DMRT1: variants seen among roughly 807,000 people sequenced by gnomAD.
The protein encoded by DMRT1 is doublesex and mab-3 related transcription factor 1, also known as doublesex- and mab-3-related transcription factor 1.
A neutral mutation model predicts 32.3 loss-of-function variants in DMRT1; 7 were observed. That is an observed-to-expected ratio of 0.22 (90% CI 0.12 to 0.41). The LOEUF (loss-of-function observed/expected upper bound fraction) is 0.41. DMRT1 is among the 10% of genes least tolerant of loss of function. The pLI, the probability that DMRT1 is intolerant of heterozygous loss-of-function variation, is 1.00. For synonymous variants in DMRT1, 278 were observed against 206.1 expected (o/e 1.35, Z -2.99); for missense variants, 625 against 500.5 (o/e 1.25, Z -2.37).
intron 4 of DMRT1, among the ~76,000 whole-genome samples, chr9:936,191 C>G (rs548737945): frequency 2.1e-4 from 32 of 152,250 alleles, no homozygotes; most frequent in African/African-American, 7.7e-4. Flanking sequence ...ATGTGTGTTG[C>G]TTGATACTTA....
rs761634981 is a variant in DMRT1 at position 965,490 on chromosome 9, T to C, written c.968-2495T>C. 5.3e-5 allele frequency among the ~76,000 whole-genome samples: 8 copies of C among 152,208 alleles called. No individual in the cohort carries two copies. The highest frequency in any genetic ancestry group is 7.4e-5 in the Non-Finnish European group (5 of 68,026). ...AGAGCACTTTCCAAGAAAATATTCATAAGGCAAGTTAGAGCAAAAGGGGGA... is the reference window on the plus strand; with the variant it reads ...AGAGCACTTTCCAAGAAAATATTCACAAGGCAAGTTAGAGCAAAAGGGGGA... On this transcript the variant is annotated intron_variant, in intron 4 of 4. Coordinates refer to ENST00000382276, the MANE Select transcript of DMRT1 (RefSeq NM_021951.3). The surrounding 1 kb of genome is among the most constrained non-coding windows in gnomAD (Gnocchi z 4.5).
At chr9:865,953 C>T (rs1182441046) in intron 2 of DMRT1, among the ~76,000 whole-genome samples, 4 of 151,916 alleles carry the variant, frequency 2.6e-5, no homozygotes, top group African/African-American at 9.7e-5. Context: ...CACCTAAGGT[C>T]AGGAGTTCGA....
intron 2 of DMRT1, among the ~76,000 whole-genome samples, chr9:878,204 C>A (rs558943657): frequency 1.2e-4 from 13 of 107,518 alleles, no homozygotes; most frequent in Admixed American, 8.3e-4. Context: ...GCTGCTGCCC[C>A]CCCCCCACCC....
chr9:958,938 T>A lies in DMRT1; in HGVS notation c.968-9047T>A, dbSNP rs575634964. 2.0e-5 allele frequency among the ~76,000 whole-genome samples: 3 copies of A among 152,298 alleles called. No individual in the cohort carries two copies. In the East Asian group the frequency reaches 5.8e-4, roughly 29 times the overall value. ...TTTCTTAGCCTTAACGAGATGCCCA[T>A]CAAGGTTGGGATTTCCATCACACCT... On this transcript the variant is annotated intron_variant, in intron 4 of 4. Transcript: ENST00000382276.
intron 2 of DMRT1, among the ~76,000 whole-genome samples, chr9:858,866 AAAAAAT>A (rs1234291216): frequency 5.2e-4 from 12 of 23,172 alleles, no homozygotes; most frequent in African/African-American, 8.9e-4. Context: ...AAAAAAAAAA[AAAAAAT>A]ATATATATAT....
chr9:847,724 C>G (rs1158485256), intron 2 of DMRT1, among the ~76,000 whole-genome samples: 1 of 152,208 alleles, frequency 6.6e-6, no homozygotes, highest in Non-Finnish European at 1.5e-5. Context: ...ATGAGTTTAT[C>G]TGTCTCCAAA....
chr9:866,736 G>C (rs535999097), intron 2 of DMRT1, among the ~76,000 whole-genome samples: 1 of 152,280 alleles, frequency 6.6e-6, no homozygotes, highest in Admixed American at 6.5e-5. Flanking sequence ...GTGTGAGACT[G>C]TCCCATGGCT....
At chr9:934,343 T>C (rs1342019084) in intron 4 of DMRT1, among the ~76,000 whole-genome samples, 1 of 152,200 alleles carries the variant, frequency 6.6e-6, no homozygotes. Flanking sequence ...TTGTTTCTTC[T>C]TCTGTTGCCT....
At position 843,489 on chromosome 9, in the gene DMRT1, T is replaced by C. The variant is rs538903329; in HGVS notation, c.354+1297T>C. On this transcript the variant is annotated intron_variant, in intron 1 of 4. Transcript: ENST00000382276. ...GCACGCTTAAGAATTTTAAAGAATATGCGCAGGTGGAAAAAAGCGCGCCAG... is the reference window on the plus strand; with the variant it reads ...GCACGCTTAAGAATTTTAAAGAATACGCGCAGGTGGAAAAAAGCGCGCCAG... Among the ~76,000 whole-genome samples, 8 of 152,350 alleles carry C rather than the reference T, an allele frequency of 5.3e-5. No individual in the cohort carries two copies. In the South Asian group the frequency reaches 1.7e-3, roughly 32 times the overall value.
At chr9:885,730 C>T (rs1816902519) in intron 2 of DMRT1, among the ~76,000 whole-genome samples, 1 of 152,152 alleles carries the variant, frequency 6.6e-6, no homozygotes, top group Non-Finnish European at 1.5e-5. Context: ...AAGTGCCTGT[C>T]TTCAGCTAGT....
At chr9:902,201 CG>C (rs548430254) in intron 3 of DMRT1, among the ~76,000 whole-genome samples, 1,731 of 151,256 alleles carry the variant, frequency 0.011, 38 homozygotes, top group African/African-American at 0.039. Flanking sequence ...TGAGCCACCG[CG>C]CCAGCCACTT....
At chr9:845,836 G>A (rs1302078496) in intron 1 of DMRT1, among the ~76,000 whole-genome samples, 1 of 152,016 alleles carries the variant, frequency 6.6e-6, no homozygotes, top group East Asian at 1.9e-4. Flanking sequence ...CTTCATCCTT[G>A]CCTGTCCAAG....
intron 4 of DMRT1, among the ~76,000 whole-genome samples, chr9:945,370 G>A (rs369773014): frequency 6.6e-6 from 1 of 152,110 alleles, no homozygotes; most frequent in Non-Finnish European, 1.5e-5. Flanking sequence ...TGGCCAGGCC[G>A]GTCTTGAACT....
At position 965,135 on chromosome 9, in the gene DMRT1, T is replaced by C. The variant is rs1203500234; in HGVS notation, c.968-2850T>C. 6.6e-6 allele frequency among the ~76,000 whole-genome samples: 1 copy of C among 152,200 alleles called. No homozygotes were observed. The highest frequency in any genetic ancestry group is 1.5e-5 in the Non-Finnish European group (1 of 68,032). ...TCTGAGGGACGATCTTTAAGGATGG[T>C]AGTAAAAGTGATTTTGGACATTAGT... On this transcript the variant is annotated intron_variant, in intron 4 of 4. Transcript: ENST00000382276. The surrounding 1 kb of genome is among the most constrained non-coding windows in gnomAD (Gnocchi z 4.5).
intron 4 of DMRT1, among the ~76,000 whole-genome samples, chr9:964,513 CCTTA>C (rs1819871646): frequency 6.6e-6 from 1 of 151,866 alleles, no homozygotes; most frequent in African/African-American, 2.4e-5. Flanking sequence ...TTTTTCTTTT[CCTTA>C]CTTTTCAGTC....
At chr9:905,482 G>GTC (rs1554754600) in intron 3 of DMRT1, among the ~76,000 whole-genome samples, 1 of 132,858 alleles carries the variant, frequency 7.5e-6, no homozygotes, top group African/African-American at 2.9e-5. Context: ...CCCTGTGTGT[G>GTC]TGTGTCTGTG....
chr9:912,655 A>G (rs1818029578), intron 3 of DMRT1, among the ~76,000 whole-genome samples: 1 of 152,208 alleles, frequency 6.6e-6, no homozygotes, highest in African/African-American at 2.4e-5. Context: ...TGGGATTGGC[A>G]GCGTTAGCCA....
chr9:883,844 G>T (rs529254787), intron 2 of DMRT1, among the ~76,000 whole-genome samples: 47 of 151,946 alleles, frequency 3.1e-4, no homozygotes, highest in African/African-American at 1.0e-3. Flanking sequence ...TACCCTCGTA[G>T]CGCTCAACAC....
intron 2 of DMRT1, among the ~76,000 whole-genome samples, chr9:882,645 C>G (rs893021972): frequency 6.6e-6 from 1 of 152,044 alleles, no homozygotes; most frequent in East Asian, 1.9e-4. Flanking sequence ...AAATCAAGAC[C>G]TGCTCACCTT....
Sources: allele counts gnomAD v4.1 joint callset (sites outside exome capture counted in the v4.1 genomes callset), GRCh38; gene constraint gnomAD v4.1.1; non-coding constraint Gnocchi (gnomAD v3.1); transcripts MANE v1.5; gene names NCBI Gene and HGNC (gene_info 2026-07-23, HGNC 2026-07-21).